DIAPH3: variants seen among roughly 807,000 people sequenced by gnomAD.
DIAPH3 encodes diaphanous related formin 3.
DIAPH3 carries 117 observed loss-of-function variants against 144.3 expected under a neutral mutation model. The ratio of observed to expected loss-of-function variants is 0.81; its 90% CI spans 0.70 to 0.95. The LOEUF is 0.95. DIAPH3 is among the 40% of genes least tolerant of loss of function. DIAPH3 has a pLI of 0.00. For synonymous variants in DIAPH3, 519 were observed against 488.9 expected, an observed-to-expected ratio of 1.06 and a Z score of -0.81; for missense variants, 1,421 against 1,412.7, an observed-to-expected ratio of 1.01 and a Z score of -0.09.
intron 4 of DIAPH3, among the ~76,000 whole-genome samples, chr13:60,066,863 T>C (rs1028119004): frequency 1.3e-5 from 2 of 152,252 alleles, no homozygotes; most frequent in African/African-American, 4.8e-5. Context: ...ATTTCATACA[T>C]ATCTCAATAT....
chr13:59,767,021 G>A (rs1184468871), intron 27 of DIAPH3, among the ~76,000 whole-genome samples: 4 of 152,042 alleles, frequency 2.6e-5, no homozygotes, highest in African/African-American at 4.8e-5. Context: ...TGGCTCCTAG[G>A]GGAGAACGCT....
chr13:59,693,748 G>T (rs2033656290), intron 27 of DIAPH3, among the ~76,000 whole-genome samples: 1 of 152,098 alleles, frequency 6.6e-6, no homozygotes, highest in African/African-American at 2.4e-5. Context: ...ATAAATTTGA[G>T]TTTCTTACTT....
chr13:60,071,718 T>C (rs758244884), intron 4 of DIAPH3, among the ~76,000 whole-genome samples: 4 of 152,184 alleles, frequency 2.6e-5, no homozygotes, highest in Non-Finnish European at 5.9e-5. Context: ...GGTTCAAACT[T>C]CTTCTTTGTC....
In DIAPH3 at chr13:59,913,380, G is replaced by A. The variant is rs564597681; in HGVS notation, c.2266-1544C>T. 2.0e-5 allele frequency among the ~76,000 whole-genome samples: 3 copies of A among 152,158 alleles called. No homozygotes were observed. In the East Asian group the frequency reaches 5.8e-4, roughly 29 times the overall value. On this transcript the variant is annotated intron_variant, in intron 19 of 27. Coordinates refer to ENST00000400324, the MANE Select transcript of DIAPH3 (RefSeq NM_001042517.2). ...AGCTAAATTCTGCACAGACAGGCACGCATGCCCAGCTTCCCTCACAGCCCA... is the reference window on the plus strand; with the variant it reads ...AGCTAAATTCTGCACAGACAGGCACACATGCCCAGCTTCCCTCACAGCCCA...
At position 60,132,950 on chromosome 13, in the gene DIAPH3, A is replaced by G; in HGVS notation, c.213+7T>C. 6.2e-7 allele frequency: 1 copy of G among 1,605,820 alleles called. No homozygotes were observed. Among genetic ancestry groups the G allele is most frequent in the Non-Finnish European group, 8.5e-7 (1 of 1,173,296 alleles). On this transcript the variant is annotated splice_region_variant and intron_variant, in intron 2 of 27. Coordinates refer to ENST00000400324, the MANE Select transcript of DIAPH3 (RefSeq NM_001042517.2). ...CATAACAAAGGAAAAGTTGAGGATA[A>G]TCTTACCATATCATCCGTCAGTGTC...
chr13:60,136,544 T>C (rs537413090), intron 1 of DIAPH3, among the ~76,000 whole-genome samples: 28 of 152,230 alleles, frequency 1.8e-4, no homozygotes, highest in Admixed American at 1.7e-3. Context: ...AAATGTGACT[T>C]TGTGACCTTT....
chr13:60,009,412 AG>A (rs2053097941), intron 8 of DIAPH3, among the ~76,000 whole-genome samples: 1 of 152,068 alleles, frequency 6.6e-6, no homozygotes, highest in Non-Finnish European at 1.5e-5. Context: ...AGAGTCCAAG[AG>A]GAAAGAGGAG....
chr13:59,974,439 G>A lies in DIAPH3; in HGVS notation c.1563C>T (p.Thr521=), dbSNP rs769651893. ...ATTCAGCCTGAGTTTCTTGGTGGTC[G>A]GTAAACTCTTTTTCAAACTGAAACA... ...ELYKKFEKEF[T]DHQETQAELQ... The change falls in exon 15 of 28, where the codon ACC becomes ACT. Residue 521 remains threonine (T), a synonymous_variant. Coordinates refer to ENST00000400324, the MANE Select transcript of DIAPH3 (RefSeq NM_001042517.2). 29 of 1,607,500 alleles carry A rather than the reference G, an allele frequency of 1.8e-5. No individual in the cohort carries two copies. Among genetic ancestry groups the A allele is most frequent in the Admixed American group, 5.0e-5 (3 of 59,454 alleles).
At position 59,983,706 on chromosome 13, in the gene DIAPH3, C is replaced by G. The variant is rs1414792286; in HGVS notation, c.1480+63G>C. 7 of 1,153,780 alleles carry G rather than the reference C, an allele frequency of 6.1e-6. No homozygotes were observed. In the Admixed American group the frequency reaches 1.2e-4, roughly 20 times the overall value. 71.5% of individuals were successfully genotyped at this position (1,153,780 alleles called of 1,614,324 possible). ...AGAGACACAACCCGAGAACCAATGC[C>G]CTAGAGCTCATTCATAGAATAAGAG... On this transcript the variant is annotated intron_variant, in intron 13 of 27. Coordinates refer to ENST00000400324, the MANE Select transcript of DIAPH3 (RefSeq NM_001042517.2).
chr13:59,971,166 G>GA lies in DIAPH3; in HGVS notation c.1651-7dup, dbSNP rs1299499153. The GA allele has an allele frequency of 3.2e-6, 5 of 1,561,066 alleles. No individual in the cohort carries two copies. Among genetic ancestry groups the GA allele is most frequent in the East Asian group, 2.4e-5 (1 of 42,188 alleles). On this transcript the variant is annotated splice_polypyrimidine_tract_variant and splice_region_variant and intron_variant, in intron 15 of 27. Coordinates refer to ENST00000400324, the MANE Select transcript of DIAPH3 (RefSeq NM_001042517.2). ...TCAGCTGGCAAGGCACCAAACTGGA[G>GA]AAAAAAACAATAAGAGACATAACTA...
At chr13:59,967,306 C>G (rs1338371124) in intron 17 of DIAPH3, among the ~76,000 whole-genome samples, 1 of 151,876 alleles carries the variant, frequency 6.6e-6, no homozygotes, top group Non-Finnish European at 1.5e-5. Flanking sequence ...AACTCCTGGC[C>G]TCAAGTGATC....
At chr13:59,736,693 T>G (rs1352421073) in intron 27 of DIAPH3, among the ~76,000 whole-genome samples, 2 of 152,086 alleles carry the variant, frequency 1.3e-5, no homozygotes, top group Non-Finnish European at 2.9e-5. Flanking sequence ...AGAGCCCAAA[T>G]AGTCAAGGCA....
intron 17 of DIAPH3, among the ~76,000 whole-genome samples, chr13:59,935,422 A>G (rs2048216493): frequency 6.6e-6 from 1 of 152,214 alleles, no homozygotes; most frequent in Non-Finnish European, 1.5e-5. Context: ...CTTAAAGGTC[A>G]GAAATGGAGA....
chr13:60,131,567 A>G (rs1326794987), intron 2 of DIAPH3, among the ~76,000 whole-genome samples: 1 of 152,056 alleles, frequency 6.6e-6, no homozygotes, highest in Non-Finnish European at 1.5e-5. Flanking sequence ...GTCAATTTAT[A>G]TGAAATGTCC....
In DIAPH3 at chr13:59,969,927, C is replaced by A; in HGVS notation, c.2074+17G>T. 6.9e-7 allele frequency: 1 copy of A among 1,452,646 alleles called. No individual in the cohort carries two copies. Among genetic ancestry groups the A allele is most frequent in the Non-Finnish European group, 9.6e-7 (1 of 1,046,958 alleles). The allele number at this position is 1,452,646 out of a possible 1,614,324, so 90.0% of individuals were successfully genotyped here. A position where few individuals can be genotyped will look rare whatever the true frequency, so the allele number is the denominator to read the frequency against. ...TTCTAAAATCAAATTAATAAATAAT[C>A]AAGATGTTAAACTTACCTTTTTGTT... On this transcript the variant is annotated intron_variant, in intron 17 of 27. Coordinates refer to ENST00000400324, the MANE Select transcript of DIAPH3 (RefSeq NM_001042517.2).
chr13:59,831,160 G>T (rs2041756802), intron 24 of DIAPH3, among the ~76,000 whole-genome samples: 1 of 151,808 alleles, frequency 6.6e-6, no homozygotes, highest in Non-Finnish European at 1.5e-5. Flanking sequence ...AAGGCATTTA[G>T]AAGAATGCCT....
At chr13:59,821,585 TAACTAAATGTAA>T (rs2041079024) in intron 24 of DIAPH3, among the ~76,000 whole-genome samples, 1 of 152,150 alleles carries the variant, frequency 6.6e-6, no homozygotes, top group African/African-American at 2.4e-5. Context: ...TTTTCTTTGG[TAACTAAATGTAA>T]AAATGTAAAA....
intron 12 of DIAPH3, among the ~76,000 whole-genome samples, chr13:59,987,639 T>C (rs1261067825): frequency 6.6e-6 from 1 of 151,484 alleles, no homozygotes; most frequent in African/African-American, 2.4e-5. Context: ...AGCATAATCA[T>C]CTCTTCTTGA....
intron 4 of DIAPH3, among the ~76,000 whole-genome samples, chr13:60,048,987 T>C (rs537153379): frequency 2.6e-5 from 4 of 152,360 alleles, no homozygotes; most frequent in South Asian, 4.1e-4. Flanking sequence ...CTACGATGTA[T>C]GGAATACCTT....
Sources: allele counts gnomAD v4.1 joint callset (sites outside exome capture counted in the v4.1 genomes callset), GRCh38; gene constraint gnomAD v4.1.1; transcripts MANE v1.5; gene names NCBI Gene and HGNC (gene_info 2026-07-23, HGNC 2026-07-21).